YEATS2: variants seen among roughly 807,000 people sequenced by gnomAD.
The protein encoded by YEATS2 is YEATS domain-containing protein 2.
In YEATS2, 77 loss-of-function variants were observed where a neutral mutation model predicts 163.2. That is an observed-to-expected ratio of 0.47 (90% CI 0.39 to 0.57). YEATS2 has a LOEUF of 0.57. Ranked by LOEUF, YEATS2 falls within the 20% of genes least tolerant of loss-of-function variation. YEATS2 has a pLI of 0.00. For synonymous variants in YEATS2, 631 were observed against 645.1 expected (o/e 0.98, Z 0.33); for missense variants, 1,549 against 1,729.8 (o/e 0.90, Z 1.85).
intron 12 of YEATS2, 53 bp from the exon 13 acceptor site, chr3:183,758,809 T>C: frequency 3.2e-6 from 4 of 1,244,610 alleles, no homozygotes; most frequent in Non-Finnish European, 4.6e-6. Flanking sequence ...GCTTTAAAAT[T>C]ACCTTTTGTA....
At chr3:183,742,317 T>C (rs1312692639) in intron 8 of YEATS2, among the ~76,000 whole-genome samples, 1 of 152,220 alleles carries the variant, frequency 6.6e-6, no homozygotes, top group East Asian at 1.9e-4. Flanking sequence ...ATTGAAAGCC[T>C]TCTGGAAAGG....
intron 6 of YEATS2, among the ~76,000 whole-genome samples, chr3:183,725,046 T>C (rs1183895150): frequency 6.7e-4 from 100 of 149,414 alleles, no homozygotes; most frequent in African/African-American, 2.3e-3. Flanking sequence ...CCGGCCTTTT[T>C]TTTTTTTTTT....
At chr3:183,707,908 T>A (rs971882429) in intron 1 of YEATS2, among the ~76,000 whole-genome samples, 2 of 151,846 alleles carry the variant, frequency 1.3e-5, no homozygotes, top group Non-Finnish European at 2.9e-5. Flanking sequence ...ACTCCTGACC[T>A]CGTGATCCAC....
chr3:183,798,540 G>T (rs1295593078), intron 22 of YEATS2, among the ~76,000 whole-genome samples: 1 of 152,112 alleles, frequency 6.6e-6, no homozygotes, highest in African/African-American at 2.4e-5. Context: ...TTTTAGTAAA[G>T]ATGGGGTTTC....
chr3:183,795,801 A>T (rs923488792), intron 21 of YEATS2, among the ~76,000 whole-genome samples: 2 of 151,726 alleles, frequency 1.3e-5, no homozygotes, highest in African/African-American at 4.8e-5. Context: ...TCATTGTTAA[A>T]CTCCTCAAGA....
At chr3:183,765,631 C>T (rs570345917) in intron 15 of YEATS2, among the ~76,000 whole-genome samples, 31 of 152,266 alleles carry the variant, frequency 2.0e-4, no homozygotes, top group African/African-American at 7.5e-4. Flanking sequence ...CTGGTTATTG[C>T]TGAAGTGCAT....
intron 8 of YEATS2, among the ~76,000 whole-genome samples, chr3:183,744,831 C>T (rs1039515270): frequency 5.3e-5 from 8 of 152,010 alleles, no homozygotes; most frequent in African/African-American, 1.7e-4. Context: ...TTCCGTCCTC[C>T]GCCCTTCCCA....
At chr3:183,725,083 T>A (rs1399208248) in intron 6 of YEATS2, among the ~76,000 whole-genome samples, 1 of 151,170 alleles carries the variant, frequency 6.6e-6, no homozygotes, top group Non-Finnish European at 1.5e-5. Context: ...ATTAGTCTTT[T>A]TATACAAATA....
intron 27 of YEATS2, 53 bp from the exon 28 acceptor site, chr3:183,806,813 G>A (rs1726252679): frequency 6.3e-7 from 1 of 1,587,228 alleles, no homozygotes; most frequent in Non-Finnish European, 8.6e-7. Context: ...GAGACGGAAA[G>A]TCCTCTTCCG....
chr3:183,786,238 A>C lies in YEATS2; in HGVS notation c.2850A>C (p.Gly950=), dbSNP rs1445779444. ...GAACCACAATGCTGAGAGTAGCAGG[A>C]GGGGTTATCACAACTGCCACTTCCC... ...KPGTTMLRVA[G]GVITTATSPA... is the part of the protein sequence containing the mutation. The change falls in exon 20 of 31, where the codon GGA becomes GGC. Residue 950 remains glycine, a synonymous_variant. Transcript: ENST00000305135. 6.2e-7 allele frequency: 1 copy of C among 1,613,990 alleles called. No individual in the cohort carries two copies. Among genetic ancestry groups the C allele is most frequent in the African/African-American group, 1.3e-5 (1 of 74,896 alleles).
chr3:183,810,358 G>A (rs1436315289), intron 30 of YEATS2, 117 bp from the exon 31 acceptor site: 28 of 877,150 alleles, frequency 3.2e-5, no homozygotes, highest in Non-Finnish European at 1.8e-5. Context: ...CTGTGGCTCA[G>A]GAGCCCTCTC....
At chr3:183,721,585 T>C (rs1716496146) in intron 4 of YEATS2, among the ~76,000 whole-genome samples, 1 of 152,224 alleles carries the variant, frequency 6.6e-6, no homozygotes, top group Non-Finnish European at 1.5e-5. Context: ...TGTAAAGCAA[T>C]GTGAGACTTT....
intron 19 of YEATS2, among the ~76,000 whole-genome samples, chr3:183,782,903 G>A (rs1723716928): frequency 6.6e-6 from 1 of 152,224 alleles, no homozygotes; most frequent in East Asian, 1.9e-4. Context: ...AAGAAACTGA[G>A]AAATGGTTTA....
intron 1 of YEATS2, among the ~76,000 whole-genome samples, chr3:183,710,020 T>A (rs1246603081): frequency 6.6e-6 from 1 of 152,196 alleles, no homozygotes; most frequent in Non-Finnish European, 1.5e-5. Flanking sequence ...ATGACAGTAG[T>A]CTTATTTTAG....
chr3:183,762,355 A>G, intron 15 of YEATS2, 76 bp downstream of exon 15: 1 of 1,481,826 alleles, frequency 6.7e-7, no homozygotes, highest in South Asian at 1.3e-5. Context: ...AGTGCTGAAA[A>G]GATTCACGGT....
rs554435328 is a variant in YEATS2, at chr3:183,772,210, T to A, written c.1948-95T>A. 198 of 1,540,992 alleles carry A rather than the reference T, an allele frequency of 1.3e-4. 4 individuals are homozygous for A. In the South Asian group the frequency reaches 1.8e-3, roughly 14 times the overall value. ...AGATGACTGAATTAGGCTGCATGTATTATGTGCAGGCCTTTGTTTTGCTCT... is the reference window on the plus strand; with the variant it reads ...AGATGACTGAATTAGGCTGCATGTAATATGTGCAGGCCTTTGTTTTGCTCT... On this transcript the variant is annotated intron_variant, in intron 15 of 30. Transcript: ENST00000305135.
chr3:183,754,008 A>C (rs1720454492), intron 10 of YEATS2, 118 bp from the exon 11 acceptor site: 4 of 1,240,298 alleles, frequency 3.2e-6, no homozygotes. Flanking sequence ...TTATTTTGCT[A>C]CCAGTACATG....
chr3:183,752,607 G>A (rs987839461), intron 10 of YEATS2, among the ~76,000 whole-genome samples: 2 of 150,806 alleles, frequency 1.3e-5, no homozygotes, highest in East Asian at 4.0e-4. Context: ...TACTCGGGAG[G>A]CTGAGGCAGG....
chr3:183,772,327 C>T lies in YEATS2; in HGVS notation c.1970C>T (p.Ser657Phe), dbSNP rs371672064. 1.9e-6 allele frequency: 3 copies of T among 1,614,036 alleles called. No individual in the cohort carries two copies. The South Asian group carries it at 3.3e-5, about 18-fold the overall frequency. The change falls in exon 16 of 31, where the codon TCT becomes TTT. Residue 657 changes from serine (S) to phenylalanine (F), a missense_variant. Ser to Phe is a radical substitution (Grantham distance 155, BLOSUM62 -2). Transcript: ENST00000305135. ...PSKVVGVPVG[S>F]ALPSTVKQAV... ...CAGGTTGTCGGGGTACCAGTTGGGT[C>T]TGCTTTACCTTCAACAGTGAAGCAG...
Sources: gnomAD v4.1 joint callset for allele counts (sites outside exome capture counted in the v4.1 genomes callset) on GRCh38, gnomAD v4.1.1 for gene constraint, MANE v1.5 for transcripts, NCBI Gene and HGNC (gene_info 2026-07-23, HGNC 2026-07-21) for gene names.